Variants in SLCO1B3 observed in about 807,000 individuals in gnomAD.
SLCO1B3 encodes the protein liver-specific organic anion transporter 2.
A neutral mutation model predicts 71.8 loss-of-function variants in SLCO1B3; 72 were observed. The ratio of observed to expected loss-of-function variants is 1.00; its 90% CI spans 0.83 to 1.22. The LOEUF (loss-of-function observed/expected upper bound fraction) is 1.22. Ranked by LOEUF, SLCO1B3 falls within the 50% of genes most tolerant of loss-of-function variation. The probability of loss-of-function intolerance (pLI) is 0.00; values close to 1 mark genes in which losing one functional copy is unlikely to be tolerated. For missense variants in SLCO1B3, 911 were observed against 819.7 expected, an observed-to-expected ratio of 1.11 and a Z score of -1.36; for synonymous variants, 298 against 278.4, an observed-to-expected ratio of 1.07 and a Z score of -0.70.
At position 20,855,158 on chromosome 12, in the gene SLCO1B3, G is replaced by C. The variant is rs1392857786; in HGVS notation, c.215G>C (p.Ser72Thr). ...SSSLAGLIDG[S>T]FEIGNLLVIV... is the part of the protein sequence containing the mutation. ...TCTCTTGCTGGTTTAATTGATGGAA[G>C]CTTTGAAATTGGTAACTTTTATTTT... Residue 72 changes from serine (S) to threonine (T), a missense_variant, in exon 4 of 16, where the codon AGC (serine) becomes ACC (threonine). Physicochemically the swap from Ser to Thr is moderately conservative, Grantham distance 58 (BLOSUM62 1). Coordinates refer to ENST00000381545, the MANE Select transcript of SLCO1B3 (RefSeq NM_019844.4). 1.9e-6 allele frequency: 3 copies of C among 1,603,710 alleles called. No homozygotes were observed. Among genetic ancestry groups the C allele is most frequent in the Non-Finnish European group, 1.7e-6 (2 of 1,176,074 alleles).
chr12:20,875,885 C>A (rs910982544), intron 9 of SLCO1B3, among the ~76,000 whole-genome samples: 2 of 151,634 alleles, frequency 1.3e-5, no homozygotes, highest in African/African-American at 4.8e-5. Flanking sequence ...TTTTTGAGAA[C>A]CTGGTGGATG....
At chr12:20,832,133 C>T (rs796395973) in intron 3 of SLCO1B3, among the ~76,000 whole-genome samples, 9 of 152,188 alleles carry the variant, frequency 5.9e-5, no homozygotes, top group African/African-American at 1.9e-4. Context: ...TACCTTTAAG[C>T]GGTGTGGCCT....
chr12:20,845,250 G>T, intron 3 of SLCO1B3: 1 of 415,168 alleles, frequency 2.4e-6, no homozygotes, highest in Admixed American at 2.6e-5. Flanking sequence ...CCAGCTTTCT[G>T]ACCTCTGACC....
At chr12:20,861,902 A>G (rs1865273558) in intron 6 of SLCO1B3, among the ~76,000 whole-genome samples, 1 of 152,000 alleles carries the variant, frequency 6.6e-6, no homozygotes, top group South Asian at 2.1e-4. Context: ...TCACAAGGAC[A>G]TTTCATAATC....
Position 20,836,018 on chromosome 12 carries a change from G to A in SLCO1B3, c.85-19010G>A, listed in dbSNP as rs969609880. Reference sequence around the variant, plus strand: ...CACAATCATGGTGAAACGCAGAGGAGCAAAGGTACATCTTACATGGCAGCA... The same window carrying A: ...CACAATCATGGTGAAACGCAGAGGAACAAAGGTACATCTTACATGGCAGCA... On this transcript the variant is annotated intron_variant, in intron 3 of 15. Transcript: ENST00000381545. 2.0e-5 allele frequency among the ~76,000 whole-genome samples: 3 copies of A among 152,178 alleles called. 1 individual carries two copies. The highest frequency in any genetic ancestry group is 7.2e-5 in the African/African-American group (3 of 41,438).
intron 3 of SLCO1B3, among the ~76,000 whole-genome samples, chr12:20,850,062 G>GA (rs1864994523): frequency 7.1e-6 from 1 of 141,724 alleles, no homozygotes; most frequent in South Asian, 2.2e-4. Flanking sequence ...TGCAGACATG[G>GA]AAAAATCCAT....
chr12:20,850,064 A>G (rs1258287714), intron 3 of SLCO1B3, among the ~76,000 whole-genome samples: 2 of 150,382 alleles, frequency 1.3e-5, no homozygotes, highest in Non-Finnish European at 3.0e-5. Context: ...CAGACATGGA[A>G]AAATCCATAC....
intron 15 of SLCO1B3, among the ~76,000 whole-genome samples, chr12:20,914,488 A>G (rs1866452192): frequency 6.6e-6 from 1 of 152,082 alleles, no homozygotes; most frequent in African/African-American, 2.4e-5. Context: ...CATATGAATA[A>G]GCATGTATAT....
At chr12:20,907,827 T>G (rs1297987857) in intron 15 of SLCO1B3, among the ~76,000 whole-genome samples, 7 of 152,016 alleles carry the variant, frequency 4.6e-5, no homozygotes, top group Non-Finnish European at 1.0e-4. Context: ...TCATTTCTAT[T>G]TATAAAAGTA....
rs561360754 is a variant in SLCO1B3, at chr12:20,812,172, G to T, written c.-180-1352G>T. Among the ~76,000 whole-genome samples the T allele has an allele frequency of 3.3e-5, 5 of 152,198 alleles. No individual in the cohort carries two copies. The South Asian group carries it at 6.2e-4, about 19-fold the overall frequency. On this transcript the variant is annotated intron_variant, in intron 1 of 15. Transcript: ENST00000381545. ...TCTGCCCGCCTCGGCCTCCCAAAGT[G>T]CTGGGATTACAGGCATGAGTCACTG...
At chr12:20,873,744 G>T (rs1253617708) in intron 8 of SLCO1B3, among the ~76,000 whole-genome samples, 1 of 152,086 alleles carries the variant, frequency 6.6e-6, no homozygotes, top group Non-Finnish European at 1.5e-5. Context: ...TTAGCTATTT[G>T]TCCTGATGCT....
At chr12:20,900,131 A>G (rs972220736) in intron 14 of SLCO1B3, among the ~76,000 whole-genome samples, 9 of 151,784 alleles carry the variant, frequency 5.9e-5, no homozygotes, top group African/African-American at 2.2e-4. Context: ...ATTTTTTTTT[A>G]TTTTTCTAAG....
chr12:20,885,584 A>G (rs1401863805), intron 13 of SLCO1B3, among the ~76,000 whole-genome samples: 1 of 152,056 alleles, frequency 6.6e-6, no homozygotes, highest in Non-Finnish European at 1.5e-5. Flanking sequence ...AGATATTGTG[A>G]AAGTTATATG....
chr12:20,836,391 AT>A (rs1027434912), intron 3 of SLCO1B3, among the ~76,000 whole-genome samples: 2 of 152,006 alleles, frequency 1.3e-5, no homozygotes, highest in Non-Finnish European at 2.9e-5. Context: ...GTATTATTGA[AT>A]TTTTTTACTA....
rs576008873 is a variant in SLCO1B3 at position 20,859,156 on chromosome 12, A to C, written c.359+585A>C. 5.3e-5 allele frequency among the ~76,000 whole-genome samples: 8 copies of C among 152,316 alleles called. No homozygotes were observed. In the East Asian group the frequency reaches 1.4e-3, roughly 26 times the overall value. ...TGTCCTCTTGTTACAAATTGTGGCA[A>C]TGTATTTCCAGGCAACAGGATAGAA... On this transcript the variant is annotated intron_variant, in intron 5 of 15. Coordinates refer to ENST00000381545, the MANE Select transcript of SLCO1B3 (RefSeq NM_019844.4).
In SLCO1B3 at chr12:20,815,833, T is replaced by G. The variant is rs1371082267; in HGVS notation, c.84+11T>G. 2.0e-6 allele frequency: 3 copies of G among 1,529,098 alleles called. No individual in the cohort carries two copies. The highest frequency in any genetic ancestry group is 2.7e-6 in the Non-Finnish European group (3 of 1,129,492). 94.7% of individuals were successfully genotyped at this position (1,529,098 alleles called of 1,614,324 possible). A position where few individuals can be genotyped will look rare whatever the true frequency, so the allele number is the denominator to read the frequency against. ...TGCAATGGATTCAAGGTAGAATGGG[T>G]TTTATATTTTCAAACTAAAATAAGT... On this transcript the variant is annotated intron_variant, in intron 3 of 15. Transcript: ENST00000381545.
intron 9 of SLCO1B3, among the ~76,000 whole-genome samples, chr12:20,877,174 G>A (rs1357118373): frequency 2.0e-5 from 3 of 151,980 alleles, no homozygotes; most frequent in African/African-American, 7.2e-5. Context: ...GGTTGACTGT[G>A]AGCCCAAAAA....
In SLCO1B3 at chr12:20,880,944, G is replaced by C. The variant is rs777268338; in HGVS notation, c.1421G>C (p.Cys474Ser). The C allele has an allele frequency of 6.2e-6, 10 of 1,612,308 alleles. No homozygotes were observed. Among genetic ancestry groups the C allele is most frequent in the Middle Eastern group, 1.6e-4 (1 of 6,080 alleles). ...NCDESQWEPV[C>S]GNNGITYLSP... ...GATGAAAGTCAGTGGGAACCAGTCT[G>C]TGGGAACAATGGAATAACTTACCTG... is the stretch of plus-strand genomic sequence containing the variant. The change falls in exon 12 of 16, where the codon TGT becomes TCT. Residue 474 changes from cysteine to serine, a missense_variant. Physicochemically the swap from Cys to Ser is moderately radical, Grantham distance 112. Transcript: ENST00000381545.
At chr12:20,889,758 A>G (rs1865864393) in intron 13 of SLCO1B3, among the ~76,000 whole-genome samples, 1 of 152,002 alleles carries the variant, frequency 6.6e-6, no homozygotes, top group Non-Finnish European at 1.5e-5. Flanking sequence ...TTGTTTTACT[A>G]GTTCTGTGAG....
Sources: allele counts gnomAD v4.1 joint callset (sites outside exome capture counted in the v4.1 genomes callset), GRCh38; gene constraint gnomAD v4.1.1; transcripts MANE v1.5; gene names NCBI Gene and HGNC (gene_info 2026-07-23, HGNC 2026-07-21).